Variants in NUBPL observed in about 807,000 individuals in gnomAD.
NUBPL encodes the protein NUBP iron-sulfur cluster assembly factor, mitochondrial.
NUBPL carries 31 observed loss-of-function variants against 45.7 expected under a neutral mutation model. The observed-to-expected ratio is 0.68, with a 90% CI of 0.51 to 0.92. The LOEUF (loss-of-function observed/expected upper bound fraction) is 0.92. Among genes scored for constraint, NUBPL ranks in the 40% least tolerant of loss-of-function variants. The pLI, the probability that NUBPL is intolerant of heterozygous loss-of-function variation, is 0.00. For missense variants in NUBPL, 401 were observed against 398.7 expected, an observed-to-expected ratio of 1.01 and a Z score of -0.05; for synonymous variants, 144 against 140.9, an observed-to-expected ratio of 1.02 and a Z score of -0.15.
intron 4 of NUBPL, among the ~76,000 whole-genome samples, chr14:31,664,865 C>T (rs2036366610): frequency 6.6e-6 from 1 of 152,136 alleles, no homozygotes; most frequent in South Asian, 2.1e-4. Flanking sequence ...CTGTCTGGTC[C>T]TGGGCTTTTT....
chr14:31,578,723 CTT>C (rs1414124485), intron 3 of NUBPL, among the ~76,000 whole-genome samples: 1 of 152,180 alleles, frequency 6.6e-6, no homozygotes, highest in Non-Finnish European at 1.5e-5. Context: ...GTCTCTCTCT[CTT>C]GTCTTCCAAA....
At chr14:31,644,907 T>C (rs2139713233) in intron 4 of NUBPL, among the ~76,000 whole-genome samples, 1 of 152,224 alleles carries the variant, frequency 6.6e-6, no homozygotes, top group South Asian at 2.1e-4. Context: ...ATGACCTTGT[T>C]TGTTCTTTTT....
At chr14:31,686,071 G>A (rs2036947019) in intron 6 of NUBPL, among the ~76,000 whole-genome samples, 1 of 152,126 alleles carries the variant, frequency 6.6e-6, no homozygotes, top group Non-Finnish European at 1.5e-5. Flanking sequence ...GAGAGATGAG[G>A]AGATGAATGA....
intron 3 of NUBPL, among the ~76,000 whole-genome samples, chr14:31,570,266 A>C (rs1387986808): frequency 6.6e-6 from 1 of 152,224 alleles, no homozygotes. Flanking sequence ...AATTGGTTTA[A>C]TAGTTTCTTT....
At chr14:31,701,484 C>A (rs920309832) in intron 6 of NUBPL, among the ~76,000 whole-genome samples, 1 of 152,242 alleles carries the variant, frequency 6.6e-6, no homozygotes, top group Admixed American at 6.5e-5. Flanking sequence ...GGTCCCCTTC[C>A]GCATGTGGAA....
intron 7 of NUBPL, among the ~76,000 whole-genome samples, chr14:31,816,808 A>G (rs147567390): frequency 9.9e-5 from 15 of 152,074 alleles, no homozygotes; most frequent in African/African-American, 3.6e-4. Context: ...ATTCAGGAGC[A>G]TGTTGTTCAG....
chr14:31,735,721 G>A (rs190482014), intron 6 of NUBPL, among the ~76,000 whole-genome samples: 8 of 151,980 alleles, frequency 5.3e-5, no homozygotes, highest in African/African-American at 1.4e-4. Flanking sequence ...GCGTCGTCGC[G>A]CATGCCTGTA....
chr14:31,651,134 A>T (rs1008231063), intron 4 of NUBPL, among the ~76,000 whole-genome samples: 4 of 151,416 alleles, frequency 2.6e-5, no homozygotes, highest in Non-Finnish European at 5.9e-5. Flanking sequence ...ACGTCTTTGG[A>T]TTTTTTTTTG....
chr14:31,641,996 A>G (rs1222603240), intron 4 of NUBPL, among the ~76,000 whole-genome samples: 2 of 152,224 alleles, frequency 1.3e-5, no homozygotes, highest in Non-Finnish European at 1.5e-5. Context: ...AGAAACATCT[A>G]TTCAAATCTT....
intron 6 of NUBPL, among the ~76,000 whole-genome samples, chr14:31,737,767 G>T (rs35396606): frequency 0.29 from 44,443 of 152,020 alleles, 7,435 homozygotes; most frequent in South Asian, 0.41. Flanking sequence ...CTGGGTGACA[G>T]AGCAAGACTC....
chr14:31,762,653 G>A (rs1377622835), intron 6 of NUBPL, among the ~76,000 whole-genome samples: 1 of 152,144 alleles, frequency 6.6e-6, no homozygotes, highest in Non-Finnish European at 1.5e-5. Flanking sequence ...TGCCATAATT[G>A]TTTGGCAATT....
chr14:31,819,309 T>C (rs1277956272), intron 7 of NUBPL, among the ~76,000 whole-genome samples: 2 of 152,364 alleles, frequency 1.3e-5, no homozygotes, highest in East Asian at 3.9e-4. Flanking sequence ...TAGCACTAAA[T>C]ATTAAGAGCA....
chr14:31,826,642 C>T lies in NUBPL; in HGVS notation c.621C>T (p.Val207=), dbSNP rs369446497. 3.1e-6 allele frequency: 5 copies of T among 1,613,938 alleles called. No individual in the cohort carries two copies. In the East Asian group the frequency reaches 8.9e-5, roughly 29 times the overall value. ...QNIPITGAVI[V]STPQDIALMD... The stretch of plus-strand genomic sequence containing the variant: ...ATCTTTGGCTAGGTGCTGTGATTGT[C>T]TCCACGCCCCAGGACATCGCATTGA... Residue 207 remains valine (V), a synonymous_variant, in exon 8 of 11, where the codon GTC becomes GTT. Transcript: ENST00000281081.
chr14:31,840,593 A>AAG (rs1555343190), intron 8 of NUBPL, among the ~76,000 whole-genome samples: 1 of 147,122 alleles, frequency 6.8e-6, no homozygotes. Flanking sequence ...AAAAAAAAGA[A>AAG]AAAGAAAGAA....
chr14:31,595,502 A>G (rs2034259616), intron 3 of NUBPL, among the ~76,000 whole-genome samples: 1 of 152,238 alleles, frequency 6.6e-6, no homozygotes, highest in South Asian at 2.1e-4. Context: ...GAAATTGAAG[A>G]AAATCCTAAA....
At chr14:31,842,706 G>A (rs1277858066) in intron 8 of NUBPL, among the ~76,000 whole-genome samples, 3 of 152,042 alleles carry the variant, frequency 2.0e-5, no homozygotes, top group African/African-American at 7.2e-5. Flanking sequence ...TTGAACTTCT[G>A]GAATTACAGG....
chr14:31,815,536 T>C (rs1298058773), intron 7 of NUBPL, among the ~76,000 whole-genome samples: 1 of 152,170 alleles, frequency 6.6e-6, no homozygotes, highest in Non-Finnish European at 1.5e-5. Flanking sequence ...TTTCTTTCTC[T>C]TGCCTGATTG....
intron 4 of NUBPL, among the ~76,000 whole-genome samples, chr14:31,671,772 C>T (rs927253237): frequency 2.6e-5 from 4 of 152,288 alleles, no homozygotes; most frequent in East Asian, 1.9e-4. Flanking sequence ...TGAAGGACCA[C>T]GGCTTTTTCT....
intron 7 of NUBPL, among the ~76,000 whole-genome samples, chr14:31,788,578 G>C (rs1175434031): frequency 6.6e-6 from 1 of 152,150 alleles, no homozygotes; most frequent in East Asian, 1.9e-4. Context: ...GTGGTAAAGT[G>C]GTTAAATCTG....
Sources: gnomAD v4.1 joint callset for allele counts (sites outside exome capture counted in the v4.1 genomes callset) on GRCh38, gnomAD v4.1.1 for gene constraint, MANE v1.5 for transcripts, NCBI Gene and HGNC (gene_info 2026-07-23, HGNC 2026-07-21) for gene names.